The following RBM26 variants were observed in gnomAD, a reference collection of about 807,000 sequenced individuals.
The protein encoded by RBM26 is RNA-binding protein 26.
RBM26 carries 30 observed loss-of-function variants against 123.6 expected under a neutral mutation model. The observed-to-expected ratio is 0.24, with a 90% CI of 0.18 to 0.33. The LOEUF is 0.33. RBM26 is among the 10% of genes least tolerant of loss of function. The pLI, the probability that RBM26 is intolerant of heterozygous loss-of-function variation, is 1.00. For synonymous variants in RBM26, 400 were observed against 404.4 expected, an observed-to-expected ratio of 0.99 and a Z score of 0.13; for missense variants, 947 against 1,203.6, an observed-to-expected ratio of 0.79 and a Z score of 3.15.
chr13:79,400,295 G>A (rs1295996185), intron 1 of RBM26, among the ~76,000 whole-genome samples: 1 of 152,132 alleles, frequency 6.6e-6, no homozygotes, highest in Non-Finnish European at 1.5e-5. Flanking sequence ...AGTTCTGGAG[G>A]CTGGGAAGTC....
At chr13:79,378,766 T>C (rs764603963) in intron 2 of RBM26, 23 bp downstream of exon 2, 11 of 1,407,432 alleles carry the variant, frequency 7.8e-6, no homozygotes, top group South Asian at 4.8e-5. Flanking sequence ...AATATAGTAG[T>C]ATTTTTAAAC....
chr13:79,374,833 A>G (rs1294675819), intron 3 of RBM26, among the ~76,000 whole-genome samples: 1 of 151,842 alleles, frequency 6.6e-6, no homozygotes, highest in African/African-American at 2.4e-5. Context: ...CATTTCAACA[A>G]TTCTGAAAGA....
chr13:79,351,674 G>T (rs766774302), intron 14 of RBM26, among the ~76,000 whole-genome samples: 1 of 152,044 alleles, frequency 6.6e-6, no homozygotes, highest in African/African-American at 2.4e-5. Flanking sequence ...GTCAGGAAAG[G>T]CCAAAGGAAA....
At chr13:79,317,889 T>C (rs896407151), downstream of RBM26, among the ~76,000 whole-genome samples, 2 of 151,696 alleles carry the variant, frequency 1.3e-5, no homozygotes, top group African/African-American at 2.4e-5. Context: ...TATTTAAATA[T>C]GCATTCATTC....
At chr13:79,370,221 C>T (rs946551175) in intron 5 of RBM26, among the ~76,000 whole-genome samples, 1 of 152,170 alleles carries the variant, frequency 6.6e-6, no homozygotes, top group African/African-American at 2.4e-5. Flanking sequence ...GAGGCTGAGG[C>T]ATGATCATCG....
intron 1 of RBM26, among the ~76,000 whole-genome samples, chr13:79,399,589 T>C (rs957109636): frequency 1.3e-5 from 2 of 152,158 alleles, no homozygotes; most frequent in Non-Finnish European, 2.9e-5. Flanking sequence ...CTAAAAAGTA[T>C]GCAATTTATT....
rs962778110 is a variant in RBM26, at chr13:79,358,348, C to G, written c.1615G>C (p.Val539Leu). The G allele has an allele frequency of 6.2e-7, 1 of 1,612,078 alleles. No individual in the cohort carries two copies. Among genetic ancestry groups the G allele is most frequent in the East Asian group, 2.2e-5 (1 of 44,720 alleles). ...NENTKLELRK[V>L]PPELNNISKL... ...CTGATATTATTTAATTCTGGAGGAA[C>G]TTTTCTAAGTTCAAGCTTGGTATTT... The change falls in exon 11 of 22, where the codon GTT (valine) becomes CTT (leucine). Residue 539 changes from valine to leucine, a missense_variant. Physicochemically the swap from Val to Leu is conservative, Grantham distance 32. This residue lies in a region of RBM26 where 493 missense variants were observed against 563.1 expected (regional missense o/e 0.88). Coordinates refer to ENST00000438737, the MANE Select transcript of RBM26 (RefSeq NM_001366735.2).
intron 1 of RBM26, among the ~76,000 whole-genome samples, chr13:79,381,358 C>T (rs2140266852): frequency 6.6e-6 from 1 of 152,112 alleles, no homozygotes; most frequent in East Asian, 1.9e-4. Context: ...TCCCTATCAA[C>T]CAAATCAACC....
chr13:79,392,079 A>G (rs1461829078), intron 1 of RBM26, among the ~76,000 whole-genome samples: 1 of 136,412 alleles, frequency 7.3e-6, no homozygotes, highest in Non-Finnish European at 1.6e-5. Flanking sequence ...ATACAATAAT[A>G]CATAATTATA....
chr13:79,328,877 A>G (rs1186453665), intron 20 of RBM26, among the ~76,000 whole-genome samples: 1 of 151,926 alleles, frequency 6.6e-6, no homozygotes, highest in Non-Finnish European at 1.5e-5. Flanking sequence ...TAAACTGAAG[A>G]TAAAACTGAT....
At chr13:79,367,126 G>A (rs925707265) in intron 6 of RBM26, among the ~76,000 whole-genome samples, 2 of 152,002 alleles carry the variant, frequency 1.3e-5, no homozygotes, top group Non-Finnish European at 2.9e-5. Flanking sequence ...TGACAATCTG[G>A]CTGGACGTGG....
exon 5 of RBM26, chr13:79,313,750 T>C (rs1366740373): frequency 6.6e-6 from 1 of 151,664 alleles, no homozygotes; most frequent in Admixed American, 6.6e-5. Flanking sequence ...ATCCAACCAA[T>C]GTGGATCAAA....
At position 79,323,748 on chromosome 13, in the gene RBM26, A is replaced by G. The variant is rs1483970294; in HGVS notation, c.2821-1286T>C. 2.6e-5 allele frequency among the ~76,000 whole-genome samples: 4 copies of G among 151,844 alleles called. No homozygotes were observed. The South Asian group carries it at 6.2e-4, about 24-fold the overall frequency. On this transcript the variant is annotated intron_variant, in intron 20 of 21. Coordinates refer to ENST00000438737, the MANE Select transcript of RBM26 (RefSeq NM_001366735.2). ...ATTCAGCACACAGCTCCTCAAATCT[A>G]TAAGATGAGGCTACAACTTTCTAAA...
At chr13:79,312,193 A>C (rs1278259857) in exon 5 of RBM26, 1 of 151,884 alleles carries the variant, frequency 6.6e-6, no homozygotes, top group Non-Finnish European at 1.5e-5. Flanking sequence ...AGACAAGAAG[A>C]CTCCTTTGGT....
Position 79,354,467 on chromosome 13 carries a change from G to A in RBM26, c.1958C>T (p.Ala653Val), listed in dbSNP as rs751466701. ...VPSSTIEPAE[A>V]QSASSDLPQN... ...AGGAAGGTCTGAAGAGGCACTCTGG[G>A]CTTCTGCAGGTTCAATAGTACTTGA... Residue 653 changes from alanine to valine, a missense_variant, in exon 13 of 22, where the codon GCC becomes GTC. Coordinates refer to ENST00000438737, the MANE Select transcript of RBM26 (RefSeq NM_001366735.2). 2 of 1,597,608 alleles carry A rather than the reference G, an allele frequency of 1.3e-6. No individual in the cohort carries two copies. Among genetic ancestry groups the A allele is most frequent in the African/African-American group, 1.3e-5 (1 of 74,654 alleles).
intron 11 of RBM26, 141 bp downstream of exon 11, chr13:79,358,133 T>G (rs889694208): frequency 1.6e-6 from 1 of 638,676 alleles, no homozygotes; most frequent in Non-Finnish European, 2.4e-6. Context: ...TCCGCCCGCC[T>G]TGGCCTCCCA....
chr13:79,377,442 T>A lies in RBM26; in HGVS notation c.264A>T (p.Pro88=). 1 of 1,613,252 alleles carries A rather than the reference T, an allele frequency of 6.2e-7. No individual in the cohort carries two copies. The highest frequency in any genetic ancestry group is 8.5e-7 in the Non-Finnish European group (1 of 1,179,184). The part of the protein sequence containing the change: ...TKSYLPPPEQ[P]SSGSLKVEFF... ...ATTCTACCTTCAGGCTTCCTGATGA[T>A]GGCTGCTCTGGAGGAGGTAGGTAAC... The change falls in exon 3 of 22, where the codon CCA becomes CCT. Residue 88 remains proline (P), a synonymous_variant. Transcript: ENST00000438737.
intron 14 of RBM26, among the ~76,000 whole-genome samples, chr13:79,349,907 A>G (rs1005526223): frequency 6.6e-6 from 1 of 152,156 alleles, no homozygotes; most frequent in Non-Finnish European, 1.5e-5. Context: ...TGTATTGGCC[A>G]GGCTGGTCTC....
At chr13:79,397,727 A>C (rs1361530300) in intron 1 of RBM26, among the ~76,000 whole-genome samples, 2 of 151,516 alleles carry the variant, frequency 1.3e-5, no homozygotes, top group Non-Finnish European at 1.5e-5. Context: ...AAAAATCAGA[A>C]AATTGTCATT....
Sources: allele counts gnomAD v4.1 joint callset (sites outside exome capture counted in the v4.1 genomes callset), GRCh38; gene constraint gnomAD v4.1.1; regional missense constraint gnomAD v4.1.1; transcripts MANE v1.5; gene names NCBI Gene and HGNC (gene_info 2026-07-23, HGNC 2026-07-21).